CALD1: variants seen among roughly 807,000 people sequenced by gnomAD.
CALD1 encodes the protein caldesmon 1, also known as caldesmon.
A neutral mutation model predicts 99.9 loss-of-function variants in CALD1; 33 were observed. The ratio of observed to expected loss-of-function variants is 0.33; its 90% confidence interval spans 0.25 to 0.44. The LOEUF is 0.44. CALD1 is among the 20% of genes least tolerant of loss of function. The pLI is 1.00. For synonymous variants in CALD1, 310 were observed against 325.0 expected, an observed-to-expected ratio of 0.95 and a Z score of 0.50; for missense variants, 861 against 962.1, an observed-to-expected ratio of 0.89 and a Z score of 1.39.
intron 3 of CALD1, among the ~76,000 whole-genome samples, chr7:134,875,426 A>T (rs928943609): frequency 6.6e-6 from 1 of 152,232 alleles, no homozygotes. Context: ...ACCTGAGGTC[A>T]GGAGTTCGAG....
At chr7:134,775,293 ACTTAT>A (rs1018772836), upstream of CALD1, among the ~76,000 whole-genome samples, 33 of 152,104 alleles carry the variant, frequency 2.2e-4, no homozygotes, top group African/African-American at 7.2e-4. Context: ...TGTGAATAGC[ACTTAT>A]CTTAATTAGA....
intron 2 of CALD1, among the ~76,000 whole-genome samples, chr7:134,857,155 ATTCTTTTTTT>A (rs1800337035): frequency 3.1e-5 from 3 of 96,144 alleles, no homozygotes. Flanking sequence ...GTTTTGCGCT[ATTCTTTTTTT>A]TTTTTTTTTT....
At chr7:134,967,568 T>A (rs1168214798) in intron 14 of CALD1, among the ~76,000 whole-genome samples, 1 of 151,752 alleles carries the variant, frequency 6.6e-6, no homozygotes, top group African/African-American at 2.4e-5. Context: ...AAAATAGAGA[T>A]TGCTAGATTA....
intron 1 of CALD1, among the ~76,000 whole-genome samples, chr7:134,808,607 T>C (rs1798241210): frequency 1.3e-5 from 2 of 152,228 alleles, no homozygotes; most frequent in South Asian, 4.1e-4. Context: ...GTCAGATTTC[T>C]TAATCCCTGT....
At chr7:134,868,232 T>A (rs1370047184) in intron 3 of CALD1, 1 of 157,006 alleles carries the variant, frequency 6.4e-6, no homozygotes, top group African/African-American at 2.4e-5. Context: ...GGATGAATCT[T>A]GTGAAAAATT....
At position 134,968,348 on chromosome 7, in the gene CALD1, C is replaced by G; in HGVS notation, c.*3C>G. ...TTCTCTTCTCTTGGCAGGTTTGAGA[C>G]AGTTCCAGAAAGAACCCAAGCTCAA... On this transcript the variant is annotated 3_prime_UTR_variant, in exon 15 of 15. Transcript: ENST00000361675. The G allele has an allele frequency of 6.2e-7, 1 of 1,613,696 alleles. No individual in the cohort carries two copies. Among genetic ancestry groups the G allele is most frequent in the Non-Finnish European group, 8.5e-7 (1 of 1,179,668 alleles).
Position 134,941,082 on chromosome 7 carries a change from T to C in CALD1, c.1387-10T>C. The C allele has an allele frequency of 6.2e-7, 1 of 1,602,648 alleles. No homozygotes were observed. The highest frequency in any genetic ancestry group is 8.5e-7 in the Non-Finnish European group (1 of 1,176,010). Reference sequence around the variant, plus strand: ...TGTTCTGTTTCTTCCTGATATGTACTGTTGGTTAGATCAAAGATGAAAAGA... The same window carrying C: ...TGTTCTGTTTCTTCCTGATATGTACCGTTGGTTAGATCAAAGATGAAAAGA... On this transcript the variant is annotated splice_polypyrimidine_tract_variant and intron_variant, in intron 6 of 14. Coordinates refer to ENST00000361675, the MANE Select transcript of CALD1 (RefSeq NM_033138.4).
intron 3 of CALD1, among the ~76,000 whole-genome samples, chr7:134,879,903 G>C (rs919591828): frequency 3.3e-5 from 5 of 152,072 alleles, no homozygotes; most frequent in Admixed American, 6.6e-5. Flanking sequence ...CCTTTGTTGG[G>C]ATAAAAATCT....
chr7:134,967,221 G>C (rs1424507365), intron 14 of CALD1, among the ~76,000 whole-genome samples: 2 of 152,162 alleles, frequency 1.3e-5, no homozygotes, highest in African/African-American at 4.8e-5. Flanking sequence ...CACCAGGGCA[G>C]TACAAGGTAG....
At position 134,891,553 on chromosome 7, in the gene CALD1, G is replaced by C. The variant is rs1802171302; in HGVS notation, c.71+23749G>C. On this transcript the variant is annotated intron_variant, in intron 3 of 14. Transcript: ENST00000361675. ...TGGCCCCTCCGCGGGCCCAGCCCAC[G>C]CCCTGACCGCCCGGCCTGGCCAGGT... 6 of 1,559,382 alleles carry C rather than the reference G, an allele frequency of 3.8e-6. No homozygotes were observed. In the South Asian group the frequency reaches 7.1e-5, roughly 18 times the overall value.
the CALD1 span, among the ~76,000 whole-genome samples, chr7:134,718,494 T>G: frequency 6.6e-6 from 1 of 152,192 alleles, no homozygotes; most frequent in African/African-American, 2.4e-5. Flanking sequence ...TGCTATAAAT[T>G]ACATACTTAT....
intron 1 of CALD1, among the ~76,000 whole-genome samples, chr7:134,832,985 G>A (rs1265828538): frequency 6.6e-6 from 1 of 152,202 alleles, no homozygotes. Context: ...TCTCTGGACA[G>A]TATGTTTTAG....
chr7:134,929,704 G>C (rs147134305), intron 4 of CALD1, among the ~76,000 whole-genome samples: 6 of 86,216 alleles, frequency 7.0e-5, no homozygotes. Flanking sequence ...CTTGGTTGAT[G>C]GGCATTTAAG....
At chr7:134,779,483 T>C (rs1174939562), upstream of CALD1, 14 of 389,832 alleles carry the variant, frequency 3.6e-5, no homozygotes, top group South Asian at 1.9e-3. Flanking sequence ...CCACCTTGGC[T>C]GGGGTGTCGT....
At chr7:134,864,380 G>A (rs1392608602) in intron 2 of CALD1, among the ~76,000 whole-genome samples, 15 of 148,426 alleles carry the variant, frequency 1.0e-4, no homozygotes, top group African/African-American at 3.5e-4. Context: ...AGTGTGTTTG[G>A]TGATTTGAAA....
rs773117075 is a variant in CALD1 at position 134,965,299 on chromosome 7, T to G, written c.2296-7T>G. 1 of 1,518,152 alleles carries G rather than the reference T, an allele frequency of 6.6e-7. No homozygotes were observed. The highest frequency in any genetic ancestry group is 9.2e-7 in the Non-Finnish European group (1 of 1,092,686). 94.0% of individuals were successfully genotyped at this position (1,518,152 alleles called of 1,614,324 possible). A position where few individuals can be genotyped will look rare whatever the true frequency, so the allele number is the denominator to read the frequency against. ...CTATCGATGTTTTTCTGCTTCCTTTTTATCAGGACTTGAGACCAGGAGACG... is the reference window on the plus strand; with the variant it reads ...CTATCGATGTTTTTCTGCTTCCTTTGTATCAGGACTTGAGACCAGGAGACG... On this transcript the variant is annotated splice_region_variant and splice_polypyrimidine_tract_variant and intron_variant, in intron 13 of 14. Transcript: ENST00000361675.
At chr7:134,714,372 G>C in the CALD1 span, among the ~76,000 whole-genome samples, 1 of 152,074 alleles carries the variant, frequency 6.6e-6, no homozygotes, top group African/African-American at 2.4e-5. Flanking sequence ...CCTCCCAGCC[G>C]ACTTGTCCTT....
intron 3 of CALD1, among the ~76,000 whole-genome samples, chr7:134,925,605 C>T (rs1481437081): frequency 1.3e-5 from 2 of 152,126 alleles, no homozygotes; most frequent in Middle Eastern, 6.8e-3. Flanking sequence ...GAAGAGTGAG[C>T]GAAGGAGGAA....
At chr7:134,780,212 G>A (rs958358082) in intron 1 of CALD1, among the ~76,000 whole-genome samples, 1 of 152,192 alleles carries the variant, frequency 6.6e-6, no homozygotes, top group Non-Finnish European at 1.5e-5. Context: ...AAAAGGGAAT[G>A]ATTTTTTTAA....
Sources: allele counts gnomAD v4.1 joint callset (sites outside exome capture counted in the v4.1 genomes callset), GRCh38; gene constraint gnomAD v4.1.1; transcripts MANE v1.5; gene names NCBI Gene and HGNC (gene_info 2026-07-23, HGNC 2026-07-21).